Variants in WDR49 observed in about 807,000 individuals in gnomAD.
WDR49 encodes the protein cilia- and flagella-associated protein 337.
A neutral mutation model predicts 119.5 loss-of-function variants in WDR49; 107 were observed. The observed-to-expected ratio is 0.90, with a 90% CI of 0.77 to 1.05. WDR49 has a LOEUF of 1.05. WDR49 is among the 50% of genes least tolerant of loss of function. WDR49 has a pLI of 0.00. For missense variants in WDR49, 1,240 were observed against 1,220.5 expected (o/e 1.02, Z -0.24); for synonymous variants, 425 against 418.8 (o/e 1.01, Z -0.18).
intron 11 of WDR49, among the ~76,000 whole-genome samples, chr3:167,534,325 C>T (rs1267082813): frequency 6.6e-6 from 1 of 152,132 alleles, no homozygotes; most frequent in Non-Finnish European, 1.5e-5. Flanking sequence ...CCAAATATTT[C>T]CACATAGGAT....
intron 3 of WDR49, among the ~76,000 whole-genome samples, chr3:167,623,104 C>CG (rs1553873272): frequency 6.6e-6 from 1 of 151,966 alleles, no homozygotes; most frequent in Non-Finnish European, 1.5e-5. Flanking sequence ...TTCCACCAAA[C>CG]GTTTCAAGGA....
chr3:167,653,229 C>G (rs1227094799), intron 2 of WDR49, 32 bp downstream of exon 2: 1 of 1,535,486 alleles, frequency 6.5e-7, no homozygotes, highest in Non-Finnish European at 8.7e-7. Flanking sequence ...ATGAACAACT[C>G]AAACTATCTG....
chr3:167,632,955 A>G (rs959389024), intron 2 of WDR49, among the ~76,000 whole-genome samples: 4 of 152,064 alleles, frequency 2.6e-5, no homozygotes, highest in Non-Finnish European at 5.9e-5. Flanking sequence ...GGCACATGGG[A>G]TAATTTAATG....
At chr3:167,631,478 C>T (rs6806821) in intron 2 of WDR49, among the ~76,000 whole-genome samples, 1,879 of 151,838 alleles carry the variant, frequency 0.012, 32 homozygotes, top group African/African-American at 0.043. Context: ...TGAAGTGCCA[C>T]GAGTATTGAT....
intron 11 of WDR49, 91 bp downstream of exon 11, chr3:167,536,779 T>G (rs1157704592): frequency 9.7e-7 from 1 of 1,028,356 alleles, no homozygotes; most frequent in Non-Finnish European, 1.2e-6. Context: ...ATAAAACAAC[T>G]GAGAAAAAGC....
At chr3:167,536,728 TATATACAC>T in intron 11 of WDR49, 134 bp downstream of exon 11, 1 of 203,580 alleles carries the variant, frequency 4.9e-6, no homozygotes. Context: ...TATATATATA[TATATACAC>T]ACACACACAC....
intron 6 of WDR49, among the ~76,000 whole-genome samples, chr3:167,603,695 C>G (rs951302176): frequency 6.6e-6 from 1 of 152,066 alleles, no homozygotes; most frequent in African/African-American, 2.4e-5. Context: ...TTCAGAATGT[C>G]TAAATTTTTA....
intron 2 of WDR49, among the ~76,000 whole-genome samples, chr3:167,628,654 C>T (rs1334657778): frequency 1.3e-5 from 2 of 152,086 alleles, no homozygotes; most frequent in African/African-American, 4.8e-5. Context: ...AAGTCATCTC[C>T]ACAACATAAA....
At chr3:167,597,803 T>C (rs972729390) in intron 7 of WDR49, among the ~76,000 whole-genome samples, 3 of 152,190 alleles carry the variant, frequency 2.0e-5, no homozygotes, top group African/African-American at 4.8e-5. Context: ...TGTGGCCAAT[T>C]TCTCCCTTTT....
intron 3 of WDR49, among the ~76,000 whole-genome samples, chr3:167,623,030 T>C (rs1716943310): frequency 6.6e-6 from 1 of 151,752 alleles, no homozygotes; most frequent in Non-Finnish European, 1.5e-5. Context: ...AAATGAAAGA[T>C]TAAATTAATA....
intron 18 of WDR49, among the ~76,000 whole-genome samples, chr3:167,496,076 G>C (rs1180383423): frequency 6.6e-6 from 1 of 152,016 alleles, no homozygotes; most frequent in East Asian, 1.9e-4. Context: ...AAGGAAAATG[G>C]TCTCAGATGA....
chr3:167,518,360 A>G (rs951304173), intron 16 of WDR49, among the ~76,000 whole-genome samples: 5 of 152,006 alleles, frequency 3.3e-5, no homozygotes, highest in African/African-American at 1.2e-4. Context: ...ACAGTGTAAA[A>G]GTGTTCCTAT....
chr3:167,596,142 G>C (rs1715423555), intron 7 of WDR49, among the ~76,000 whole-genome samples: 3 of 151,436 alleles, frequency 2.0e-5, no homozygotes, highest in Admixed American at 2.0e-4. Flanking sequence ...CTGGCCATCA[G>C]AGAAATGCAA....
chr3:167,482,687 A>G (rs1750767046), intron 18 of WDR49, among the ~76,000 whole-genome samples: 1 of 151,966 alleles, frequency 6.6e-6, no homozygotes, highest in South Asian at 2.1e-4. Flanking sequence ...TCAAAAAAAA[A>G]AAAAAAGCTA....
Position 167,511,458 on chromosome 3 carries a change from G to A in WDR49, c.2775-6042C>T, listed in dbSNP as rs1434119533. On this transcript the variant is annotated intron_variant, in intron 16 of 18. Transcript: ENST00000682715. ...ATAATCAACATGAGAAGATCAGTTTGCTGTACTCCTATTTAATCTGGTAGA... is the reference window on the plus strand; with the variant it reads ...ATAATCAACATGAGAAGATCAGTTTACTGTACTCCTATTTAATCTGGTAGA... Among the ~76,000 whole-genome samples, 3 of 152,182 alleles carry A rather than the reference G, an allele frequency of 2.0e-5. No homozygotes were observed. In the East Asian group the frequency reaches 5.8e-4, roughly 29 times the overall value.
chr3:167,511,099 C>G (rs1248987302), intron 16 of WDR49, among the ~76,000 whole-genome samples: 1 of 152,134 alleles, frequency 6.6e-6, no homozygotes, highest in Non-Finnish European at 1.5e-5. Context: ...CATTCTACAG[C>G]TGACAATTTT....
At chr3:167,654,173 A>G (rs1718513293), upstream of WDR49, among the ~76,000 whole-genome samples, 2 of 152,190 alleles carry the variant, frequency 1.3e-5, no homozygotes, top group South Asian at 4.1e-4. Context: ...GACAACTTTT[A>G]CCATTATATA....
At chr3:167,531,372 A>C in intron 12 of WDR49, 93 bp from the exon 13 acceptor site, 1 of 1,366,538 alleles carries the variant, frequency 7.3e-7, no homozygotes, top group Non-Finnish European at 1.0e-6. Context: ...ATCTATCACT[A>C]TATCCATTGA....
intron 8 of WDR49, among the ~76,000 whole-genome samples, chr3:167,567,973 C>T (rs1425338424): frequency 1.3e-5 from 2 of 152,200 alleles, no homozygotes; most frequent in Non-Finnish European, 2.9e-5. Context: ...CAGAGGTTAG[C>T]AGCTTTATAG....
Sources: allele counts gnomAD v4.1 joint callset (sites outside exome capture counted in the v4.1 genomes callset), GRCh38; gene constraint gnomAD v4.1.1; transcripts MANE v1.5; gene names NCBI Gene and HGNC (gene_info 2026-07-23, HGNC 2026-07-21).